NRXN2: variants seen among roughly 807,000 people sequenced by gnomAD.
The protein encoded by NRXN2 is neurexin 2.
Under a neutral mutation model 128.8 loss-of-function variants are expected in NRXN2, and 29 were observed. The observed-to-expected ratio is 0.23, with a 90% CI of 0.17 to 0.31. The LOEUF (loss-of-function observed/expected upper bound fraction) is 0.31. Ranked by LOEUF, NRXN2 falls within the 10% of genes least tolerant of loss-of-function variation. The probability of loss-of-function intolerance (pLI) is 1.00; values close to 1 mark genes in which losing one functional copy is unlikely to be tolerated. For synonymous variants in NRXN2, 1,098 were observed against 1,075.2 expected, an observed-to-expected ratio of 1.02 and a Z score of -0.41; for missense variants, 1,881 against 2,452.6, an observed-to-expected ratio of 0.77 and a Z score of 4.92.
chr11:64,688,558 C>T (rs2053403348), intron 5 of NRXN2: 1 of 985,176 alleles, frequency 1.0e-6, no homozygotes, highest in Non-Finnish European at 1.2e-6. Flanking sequence ...GCTGAACAAG[C>T]CCTGAAGCAC....
chr11:64,708,426 C>T (rs1040621099), intron 2 of NRXN2, among the ~76,000 whole-genome samples: 1 of 152,214 alleles, frequency 6.6e-6, no homozygotes, highest in Non-Finnish European at 1.5e-5. Context: ...TCTCCACACA[C>T]ACAGGTGACA....
intron 20 of NRXN2, 127 bp downstream of exon 20, chr11:64,626,336 T>C (rs535793581): frequency 4.2e-6 from 3 of 721,168 alleles, no homozygotes; most frequent in Admixed American, 2.2e-5. Flanking sequence ...GCATTCTGGC[T>C]GGCCAATTGT....
chr11:64,630,629 T>C lies in NRXN2; in HGVS notation c.3586-56A>G. Reference sequence around the variant, plus strand: ...AGAGGGAGCAACCATTCATCCCTTCTAGTGGCTACTCCTGTGACCACCACT... The same window carrying C: ...AGAGGGAGCAACCATTCATCCCTTCCAGTGGCTACTCCTGTGACCACCACT... On this transcript the variant is annotated intron_variant, in intron 18 of 22. Coordinates refer to ENST00000265459, the MANE Select transcript of NRXN2 (RefSeq NM_015080.4). This position sits in a 1 kb window ranked among gnomAD's most constrained non-coding sequence, Gnocchi z 4.6. The C allele has an allele frequency of 6.3e-7, 1 of 1,597,806 alleles. No individual in the cohort carries two copies. The highest frequency in any genetic ancestry group is 8.6e-7 in the Non-Finnish European group (1 of 1,168,136).
intron 9 of NRXN2, chr11:64,661,464 G>A: frequency 8.4e-7 from 1 of 1,183,894 alleles, no homozygotes; most frequent in Admixed American, 3.4e-5. Context: ...GAAATCTTGA[G>A]CTCGGAAAGG....
Position 64,660,308 on chromosome 11 carries a change from G to A in NRXN2, c.2389+24C>T. Reference sequence around the variant, plus strand: ...AGAGACAAGGCCAGGTGAGGGGTCAGGAAGCACAGGGCAGGGTGGTTACCG... The same window carrying A: ...AGAGACAAGGCCAGGTGAGGGGTCAAGAAGCACAGGGCAGGGTGGTTACCG... On this transcript the variant is annotated intron_variant, in intron 11 of 22. Coordinates refer to ENST00000265459, the MANE Select transcript of NRXN2 (RefSeq NM_015080.4). This position sits in a 1 kb window ranked among gnomAD's most constrained non-coding sequence, Gnocchi z 5.2. 1 of 1,611,598 alleles carries A rather than the reference G, an allele frequency of 6.2e-7. No homozygotes were observed. The highest frequency in any genetic ancestry group is 1.3e-5 in the African/African-American group (1 of 74,976).
chr11:64,690,507 AG>A (rs2053663082), intron 4 of NRXN2, 31 bp from the exon 5 acceptor site: 6 of 1,586,196 alleles, frequency 3.8e-6, no homozygotes, highest in Non-Finnish European at 5.2e-6. Context: ...AGTCAGGCAC[AG>A]GGGGTACCGA....
chr11:64,715,359 C>T (rs941251930), intron 1 of NRXN2, among the ~76,000 whole-genome samples: 2 of 152,162 alleles, frequency 1.3e-5, no homozygotes, highest in African/African-American at 4.8e-5. Flanking sequence ...TGCTCGACTG[C>T]AGCATCCCCA....
intron 22 of NRXN2, among the ~76,000 whole-genome samples, chr11:64,618,740 G>A (rs1486712023): frequency 6.6e-6 from 1 of 152,182 alleles, no homozygotes; most frequent in Non-Finnish European, 1.5e-5. Flanking sequence ...TCCTAGAGAG[G>A]AAGGCATCTG....
chr11:64,688,654 T>C, intron 5 of NRXN2: 3 of 985,412 alleles, frequency 3.0e-6, no homozygotes, highest in African/African-American at 1.7e-5. Context: ...CCGCCCCTAA[T>C]TGCTCCGGAC....
intron 6 of NRXN2, among the ~76,000 whole-genome samples, chr11:64,685,218 G>A (rs958231336): frequency 7.9e-5 from 12 of 152,090 alleles, no homozygotes; most frequent in Admixed American, 3.9e-4. Context: ...TGCTCCACCA[G>A]GCCAAAGCCT....
intron 17 of NRXN2, chr11:64,642,487 C>A: frequency 6.4e-7 from 1 of 1,558,184 alleles, no homozygotes; most frequent in Non-Finnish European, 8.7e-7. Flanking sequence ...ACACGGGAAG[C>A]GCCCCCCGCC....
intron 1 of NRXN2, among the ~76,000 whole-genome samples, chr11:64,718,996 C>G (rs2057368745): frequency 6.6e-6 from 1 of 152,176 alleles, no homozygotes; most frequent in African/African-American, 2.4e-5. Context: ...CTCAGCCTCT[C>G]TGTGCTTCAC....
intron 22 of NRXN2, among the ~76,000 whole-genome samples, chr11:64,618,119 C>A (rs1591516377): frequency 6.6e-6 from 1 of 152,324 alleles, no homozygotes; most frequent in East Asian, 1.9e-4. Flanking sequence ...CCAGCTGACC[C>A]GCCTGCTTCA....
chr11:64,664,971 CAG>C (rs368579388), intron 9 of NRXN2, among the ~76,000 whole-genome samples: 4,714 of 122,202 alleles, frequency 0.039, 117 homozygotes, highest in Middle Eastern at 0.22. Flanking sequence ...GCCTGGGCGA[CAG>C]AGAGAGACTT....
At chr11:64,679,162 G>A (rs959561088) in intron 6 of NRXN2, among the ~76,000 whole-genome samples, 16 of 152,278 alleles carry the variant, frequency 1.1e-4, no homozygotes, top group Middle Eastern at 3.4e-3. Context: ...GGCCCAGAAC[G>A]GTAAGTGTTG....
intron 6 of NRXN2, among the ~76,000 whole-genome samples, chr11:64,683,154 C>T (rs1244137023): frequency 6.6e-6 from 1 of 152,198 alleles, no homozygotes; most frequent in Admixed American, 6.5e-5. Flanking sequence ...GTTCTCAGAT[C>T]CTGGCACTCT....
intron 17 of NRXN2, chr11:64,643,124 G>A: frequency 1.0e-6 from 1 of 984,620 alleles, no homozygotes; most frequent in South Asian, 4.7e-5. Context: ...CCGGGGGAGG[G>A]GGCATGGTGC....
At chr11:64,687,316 G>C (rs562878037) in intron 5 of NRXN2, among the ~76,000 whole-genome samples, 8 of 152,316 alleles carry the variant, frequency 5.3e-5, no homozygotes, top group South Asian at 4.1e-4. Flanking sequence ...GTGGTGGCGG[G>C]GGGGGAGTTT....
intron 22 of NRXN2, among the ~76,000 whole-genome samples, chr11:64,615,834 G>A (rs950809701): frequency 7.0e-4 from 53 of 75,952 alleles, no homozygotes; most frequent in African/African-American, 5.0e-3. Flanking sequence ...CCAAGCGTGT[G>A]TGTGTGTGTG....
Sources: allele counts gnomAD v4.1 joint callset (sites outside exome capture counted in the v4.1 genomes callset), GRCh38; gene constraint gnomAD v4.1.1; non-coding constraint Gnocchi (gnomAD v3.1); transcripts MANE v1.5; gene names NCBI Gene and HGNC (gene_info 2026-07-23, HGNC 2026-07-21).